ADCK1: variants seen among roughly 807,000 people sequenced by gnomAD.
ADCK1 encodes aarF domain containing kinase 1.
ADCK1 carries 41 observed loss-of-function variants against 52.3 expected under a neutral mutation model. The observed-to-expected ratio is 0.78, with a 90% CI of 0.61 to 1.02. The LOEUF is 1.02. ADCK1 is among the 50% of genes least tolerant of loss of function. The pLI is 0.00. For synonymous variants in ADCK1, 250 were observed against 274.6 expected, an observed-to-expected ratio of 0.91 and a Z score of 0.89; for missense variants, 658 against 679.5, an observed-to-expected ratio of 0.97 and a Z score of 0.35.
At chr14:77,804,513 G>C (rs1490433076) in intron 1 of ADCK1, among the ~76,000 whole-genome samples, 1 of 152,082 alleles carries the variant, frequency 6.6e-6, no homozygotes, top group Non-Finnish European at 1.5e-5. Flanking sequence ...ACCCAGAGGT[G>C]GTCTCAAGGG....
chr14:77,806,160 A>G (rs1367767972), intron 1 of ADCK1, among the ~76,000 whole-genome samples: 4 of 151,688 alleles, frequency 2.6e-5, no homozygotes, highest in African/African-American at 9.7e-5. Flanking sequence ...TCCTGAGCTC[A>G]AGCGGTCTTC....
intron 5 of ADCK1, among the ~76,000 whole-genome samples, chr14:77,896,968 T>C (rs1406492509): frequency 6.6e-6 from 1 of 152,220 alleles, no homozygotes; most frequent in Admixed American, 6.5e-5. Flanking sequence ...AAATGCCTTG[T>C]AGTTAATAGT....
intron 1 of ADCK1, among the ~76,000 whole-genome samples, chr14:77,815,816 T>A: frequency 1.0e-5 from 1 of 98,790 alleles, no homozygotes; most frequent in East Asian, 2.2e-4. Context: ...CGCACCTGGC[T>A]TTTTTTTTTT....
At chr14:77,868,613 C>A (rs551330959) in intron 4 of ADCK1, among the ~76,000 whole-genome samples, 1 of 152,240 alleles carries the variant, frequency 6.6e-6, no homozygotes, top group Non-Finnish European at 1.5e-5. Context: ...GGGGTGCCTC[C>A]CCTTTGTTGG....
At chr14:77,901,575 A>G (rs1473951739) in intron 6 of ADCK1, among the ~76,000 whole-genome samples, 1 of 151,454 alleles carries the variant, frequency 6.6e-6, no homozygotes, top group African/African-American at 2.4e-5. Flanking sequence ...TTTTTAGTAG[A>G]GACACGGTTT....
Position 77,805,328 on chromosome 14 carries a change from C to G in ADCK1, c.-12+5158C>G, listed in dbSNP as rs537101231. 1.1e-4 allele frequency among the ~76,000 whole-genome samples: 12 copies of G among 113,634 alleles called. No individual in the cohort carries two copies. The East Asian group carries it at 3.8e-3, about 36-fold the overall frequency. 74.5% of individuals were successfully genotyped at this position (113,634 alleles called of 152,430 possible). A position where few individuals can be genotyped will look rare whatever the true frequency, so the allele number is the denominator to read the frequency against. The stretch of plus-strand genomic sequence containing the variant: ...CCAGGCTGGAGTGTAGTGGCACGAT[C>G]TTGGCTCACCGCAACCTCCGCCACC... On this transcript the variant is annotated intron_variant, in intron 1 of 10. Coordinates refer to ENST00000238561, the MANE Select transcript of ADCK1 (RefSeq NM_020421.4).
chr14:77,849,737 C>G (rs2082245336), intron 3 of ADCK1, among the ~76,000 whole-genome samples: 1 of 152,158 alleles, frequency 6.6e-6, no homozygotes, highest in South Asian at 2.1e-4. Flanking sequence ...CAGGCATGAG[C>G]CACTGAGCCC....
chr14:77,825,759 A>G (rs1269463545), intron 3 of ADCK1, among the ~76,000 whole-genome samples: 2 of 150,662 alleles, frequency 1.3e-5, no homozygotes, highest in African/African-American at 4.9e-5. Flanking sequence ...CTCCTGCCTC[A>G]GCCTCCCGAG....
chr14:77,807,315 G>A (rs1442636943), intron 1 of ADCK1, among the ~76,000 whole-genome samples: 2 of 151,082 alleles, frequency 1.3e-5, no homozygotes, highest in East Asian at 2.0e-4. Context: ...TGATCCGCCC[G>A]CCTCGGCCTC....
rs2083996996 is a variant in ADCK1 at position 77,919,346 on chromosome 14, T to C, written c.859-5111T>C. Among the ~76,000 whole-genome samples, 3 of 152,248 alleles carry C rather than the reference T, an allele frequency of 2.0e-5. No individual in the cohort carries two copies. In the South Asian group the frequency reaches 6.2e-4, roughly 31 times the overall value. On this transcript the variant is annotated intron_variant, in intron 7 of 10. Transcript: ENST00000238561. ...TAAGTGGAAACATACGATACTTGTT[T>C]TTCCAGTCCTGAGTTACTTCACTTA...
chr14:77,825,335 G>A (rs1172721034), intron 3 of ADCK1, among the ~76,000 whole-genome samples: 1 of 152,080 alleles, frequency 6.6e-6, no homozygotes, highest in Admixed American at 6.6e-5. Context: ...GAGGTTAATA[G>A]TTAGAAGACC....
intron 7 of ADCK1, among the ~76,000 whole-genome samples, chr14:77,919,916 C>T (rs1489657207): frequency 2.0e-5 from 3 of 152,146 alleles, no homozygotes; most frequent in Admixed American, 6.6e-5. Flanking sequence ...CCTTAGCCCA[C>T]TTTTTGATGG....
At chr14:77,804,996 T>C (rs72688828) in intron 1 of ADCK1, among the ~76,000 whole-genome samples, 73,086 of 151,228 alleles carry the variant, frequency 0.48, 17,724 homozygotes, top group Admixed American at 0.55. Flanking sequence ...CACCTGAGGT[T>C]GGGAGTTTGA....
chr14:77,878,256 T>C (rs1308931453), intron 4 of ADCK1, among the ~76,000 whole-genome samples: 2 of 152,264 alleles, frequency 1.3e-5, no homozygotes, highest in East Asian at 1.9e-4. Context: ...GTTGGATAGA[T>C]AAATGAGTGA....
At chr14:77,881,999 G>A (rs2083035629) in intron 4 of ADCK1, among the ~76,000 whole-genome samples, 1 of 152,202 alleles carries the variant, frequency 6.6e-6, no homozygotes, top group Non-Finnish European at 1.5e-5. Flanking sequence ...ATCTGGGGCA[G>A]GTCCCTGGGA....
At chr14:77,801,816 C>T (rs143833528) in intron 1 of ADCK1, among the ~76,000 whole-genome samples, 3,179 of 152,180 alleles carry the variant, frequency 0.021, 104 homozygotes, top group African/African-American at 0.07. Flanking sequence ...GTGGTGTGTG[C>T]CTGTAGTCCC....
intron 1 of ADCK1, among the ~76,000 whole-genome samples, chr14:77,805,148 G>A (rs2081192632): frequency 6.7e-6 from 1 of 148,658 alleles, no homozygotes; most frequent in African/African-American, 2.5e-5. Flanking sequence ...GGAGGTTGTG[G>A]TGAGCCGAGA....
At chr14:77,806,161 A>G (rs1028768782) in intron 1 of ADCK1, among the ~76,000 whole-genome samples, 1 of 151,750 alleles carries the variant, frequency 6.6e-6, no homozygotes, top group Non-Finnish European at 1.5e-5. Context: ...CCTGAGCTCA[A>G]GCGGTCTTCC....
intron 7 of ADCK1, 107 bp from the exon 8 acceptor site, chr14:77,924,350 T>C: frequency 1.4e-6 from 2 of 1,451,856 alleles, no homozygotes; most frequent in Admixed American, 4.2e-5. Context: ...GGCCCACCGA[T>C]TTTCTCTGGC....
Sources: allele counts gnomAD v4.1 joint callset (sites outside exome capture counted in the v4.1 genomes callset), GRCh38; gene constraint gnomAD v4.1.1; transcripts MANE v1.5; gene names NCBI Gene and HGNC (gene_info 2026-07-23, HGNC 2026-07-21).